MYPN: variants seen among roughly 807,000 people sequenced by gnomAD.
The protein encoded by MYPN is sarcomeric protein myopalladin, 145 kDa (MYOP).
In MYPN, 63 loss-of-function variants were observed where a neutral mutation model predicts 129.4. The ratio of observed to expected loss-of-function variants is 0.49; its 90% confidence interval spans 0.40 to 0.60. MYPN has a LOEUF of 0.60. MYPN is among the 20% of genes least tolerant of loss of function. The pLI is 0.00. For missense variants in MYPN, 1,596 were observed against 1,635.4 expected, an observed-to-expected ratio of 0.98 and a Z score of 0.42; for synonymous variants, 629 against 600.9, an observed-to-expected ratio of 1.05 and a Z score of -0.68.
chr10:68,128,606 A>G (rs187344923), intron 2 of MYPN, among the ~76,000 whole-genome samples: 61 of 152,344 alleles, frequency 4.0e-4, no homozygotes, highest in African/African-American at 1.4e-3. Flanking sequence ...CCCTGCCTTC[A>G]TGCAGCATAG....
intron 2 of MYPN, among the ~76,000 whole-genome samples, chr10:68,126,559 G>C (rs905184959): frequency 1.3e-5 from 2 of 152,124 alleles, no homozygotes; most frequent in Non-Finnish European, 2.9e-5. Flanking sequence ...GTCGGACTCG[G>C]GTAGGTGTGG....
chr10:68,128,969 G>A (rs1470622270), intron 2 of MYPN, among the ~76,000 whole-genome samples: 1 of 151,842 alleles, frequency 6.6e-6, no homozygotes, highest in African/African-American at 2.4e-5. Flanking sequence ...CATAGAGAGA[G>A]ACTAGACGCC....
chr10:68,184,437 A>ATT (rs11377184), intron 12 of MYPN, among the ~76,000 whole-genome samples: 10 of 151,058 alleles, frequency 6.6e-5, no homozygotes, highest in Admixed American at 2.0e-4. Context: ...TGTTGGAGGC[A>ATT]TTTTTTTTTA....
Position 68,090,673 on chromosome 10 carries a change from G to C in MYPN, c.-2+2681G>C, listed in dbSNP as rs867909523. On this transcript the variant is annotated intron_variant, in intron 1 of 6. Transcript: ENST00000685154. ...GTCTTTATCTACATCTCCAGACTAG[G>C]AATGATAACACTGGATTATAGCTAA... Among the ~76,000 whole-genome samples the C allele has an allele frequency of 1.1e-4, 17 of 152,198 alleles. 1 individual carries two copies. Among genetic ancestry groups the C allele is most frequent in the Middle Eastern group, 6.8e-3 (2 of 294 alleles).
At chr10:68,100,768 A>G (rs2041977921) in intron 1 of MYPN, among the ~76,000 whole-genome samples, 1 of 152,178 alleles carries the variant, frequency 6.6e-6, no homozygotes, top group African/African-American at 2.4e-5. Flanking sequence ...TATACCAATT[A>G]TCTCAAGAAT....
At chr10:68,186,223 C>CT (rs947349601) in intron 12 of MYPN, among the ~76,000 whole-genome samples, 1 of 151,996 alleles carries the variant, frequency 6.6e-6, no homozygotes, top group Non-Finnish European at 1.5e-5. Flanking sequence ...TGTGTACTTA[C>CT]TTTTTTTTAC....
Position 68,197,352 on chromosome 10 carries a change from G to T in MYPN, c.3159G>T (p.Arg1053Ser). The T allele has an allele frequency of 6.2e-7, 1 of 1,613,162 alleles. No homozygotes were observed. The highest frequency in any genetic ancestry group is 1.1e-5 in the South Asian group (1 of 91,036). Residue 1053 changes from arginine to serine, a missense_variant and splice_region_variant, in exon 16 of 20, where the codon AGG (arginine) becomes AGT (serine). Coordinates refer to ENST00000358913, the MANE Select transcript of MYPN (RefSeq NM_032578.4). ...TATCTGAACATGCTTGTTGTTATAG[G>T]GGAAGATCCCGAGTGCAAGAAAGAG... Reference protein sequence around the residue: ...SRLTSAGQSHRGRSRVQERDK... With the variant: ...SRLTSAGQSHSGRSRVQERDK...
Position 68,210,324 on chromosome 10 carries a change from C to T in MYPN, c.3832C>T (p.Arg1278Trp), listed in dbSNP as rs763054747. 1.4e-5 allele frequency: 23 copies of T among 1,613,852 alleles called. No individual in the cohort carries two copies. The highest frequency in any genetic ancestry group is 1.1e-4 in the African/African-American group (8 of 74,918). The change falls in exon 20 of 20, where the codon CGG becomes TGG. Residue 1278 changes from arginine (R) to tryptophan (W), a missense_variant. Arg to Trp is a moderately radical substitution (Grantham distance 101). Coordinates refer to ENST00000358913, the MANE Select transcript of MYPN (RefSeq NM_032578.4). ...TCAGATCCCACCGCCCATGTCTGTC[C>T]GGCCCAGTGGCAGTCGCTACGGATC... ...HHQIPPPMSV[R>W]PSGSRYGSLT...
rs1399814875 is a variant in MYPN at position 68,211,986 on chromosome 10, C to T, written c.*1531C>T. On this transcript the variant is annotated 3_prime_UTR_variant, in exon 20 of 20. Transcript: ENST00000358913. ...GTCTTCACTTCAAGGCAAGGATTTC[C>T]AGCATAAAAATAAATTCATTCACTG... The T allele has an allele frequency of 5.6e-6, 2 of 358,286 alleles. No homozygotes were observed. Among genetic ancestry groups the T allele is most frequent in the Admixed American group, 7.5e-5 (2 of 26,712 alleles). 22.2% of individuals were successfully genotyped at this position (358,286 alleles called of 1,614,324 possible). A position where few individuals can be genotyped will look rare whatever the true frequency, so the allele number is the denominator to read the frequency against.
At chr10:68,196,870 TAAG>T (rs1201877695) in intron 15 of MYPN, among the ~76,000 whole-genome samples, 1 of 152,148 alleles carries the variant, frequency 6.6e-6, no homozygotes, top group African/African-American at 2.4e-5. Context: ...TTATCCAGTT[TAAG>T]TTCATAGTCA....
At chr10:68,164,953 A>G (rs1447136919) in intron 8 of MYPN, among the ~76,000 whole-genome samples, 1 of 152,268 alleles carries the variant, frequency 6.6e-6, no homozygotes, top group Non-Finnish European at 1.5e-5. Context: ...AATAATTTCA[A>G]TGCAAAAGTT....
chr10:68,201,791 A>G (rs745792793), intron 17 of MYPN, 38 bp from the exon 18 acceptor site: 17 of 1,608,550 alleles, frequency 1.1e-5, no homozygotes, highest in Middle Eastern at 1.6e-4. Context: ...AAAAAAAAAA[A>G]AAAGAAAGAA....
At chr10:68,158,158 C>T (rs540241644) in intron 6 of MYPN, 4 of 270,438 alleles carry the variant, frequency 1.5e-5, no homozygotes, top group South Asian at 1.1e-4. Context: ...GCTGGCTATG[C>T]GGGTGCCCTT....
intron 12 of MYPN, among the ~76,000 whole-genome samples, chr10:68,177,931 C>T (rs1789772333): frequency 6.6e-6 from 1 of 152,300 alleles, no homozygotes; most frequent in Non-Finnish European, 1.5e-5. Context: ...AGAACATTTG[C>T]ATGATCTAGC....
At chr10:68,090,456 C>T (rs779587952) in intron 1 of MYPN, among the ~76,000 whole-genome samples, 19 of 152,116 alleles carry the variant, frequency 1.2e-4, no homozygotes, top group Non-Finnish European at 2.4e-4. Context: ...TGAGCCACCG[C>T]GCCAGGCCTC....
At chr10:68,185,035 G>A (rs1357149263) in intron 12 of MYPN, among the ~76,000 whole-genome samples, 2 of 151,932 alleles carry the variant, frequency 1.3e-5, no homozygotes, top group Admixed American at 6.5e-5. Flanking sequence ...CCGGCCGGGC[G>A]TGCTCAAGCC....
Position 68,118,159 on chromosome 10 carries a change from A to AT in MYPN, c.-1-3279_-1-3278insT, listed in dbSNP as rs1272468019. 3.3e-5 allele frequency among the ~76,000 whole-genome samples: 5 copies of AT among 152,158 alleles called. No homozygotes were observed. In the East Asian group the frequency reaches 9.6e-4, roughly 29 times the overall value. On this transcript the variant is annotated intron_variant, in intron 1 of 19. Coordinates refer to ENST00000358913, the MANE Select transcript of MYPN (RefSeq NM_032578.4). ...AATTGGCTTCTTTTCTTAAAAAAAA[A>AT]CTTATCTAAGAATTTTATTTTCTAT...
intron 16 of MYPN, among the ~76,000 whole-genome samples, chr10:68,198,161 T>G (rs573900725): frequency 1.8e-4 from 27 of 152,204 alleles, no homozygotes; most frequent in Non-Finnish European, 2.6e-4. Flanking sequence ...ATGGAAGATT[T>G]AGATACAAGC....
intron 1 of MYPN, among the ~76,000 whole-genome samples, chr10:68,098,896 T>C (rs768436552): frequency 1.3e-5 from 2 of 152,252 alleles, no homozygotes; most frequent in East Asian, 1.9e-4. Context: ...AGATTTCCCA[T>C]AGTAGCCAGG....
Sources: allele counts gnomAD v4.1 joint callset (sites outside exome capture counted in the v4.1 genomes callset), GRCh38; gene constraint gnomAD v4.1.1; transcripts MANE v1.5; gene names NCBI Gene and HGNC (gene_info 2026-07-23, HGNC 2026-07-21).